Variants in LNX2 observed in about 807,000 individuals in gnomAD.
LNX2 encodes the protein ligand of numb-protein X 2.
A neutral mutation model predicts 66.2 loss-of-function variants in LNX2; 35 were observed. The ratio of observed to expected loss-of-function variants is 0.53; its 90% CI spans 0.40 to 0.70. The LOEUF (loss-of-function observed/expected upper bound fraction) is 0.70. Among genes scored for constraint, LNX2 ranks in the 30% least tolerant of loss-of-function variants. LNX2 has a pLI of 0.00. For missense variants in LNX2, 791 were observed against 850.8 expected (o/e 0.93, Z 0.87); for synonymous variants, 337 against 315.6 (o/e 1.07, Z -0.72).
rs1035095745 is a variant in LNX2, at chr13:27,547,853, CA to C, written c.*481del. ...CCTGGGTGAGAGTGAGACTGTGGTTCAAAAAAAAATGGGGAACAGTTATCAC... is the reference window on the plus strand; with the variant it reads ...CCTGGGTGAGAGTGAGACTGTGGTTCAAAAAAAATGGGGAACAGTTATCAC... On this transcript the variant is annotated 3_prime_UTR_variant, in exon 10 of 10. Transcript: ENST00000316334. 2.3e-4 allele frequency: 35 copies of C among 151,872 alleles called. No homozygotes were observed. The highest frequency in any genetic ancestry group is 6.0e-4 in the South Asian group (3 of 4,976). 9.4% of individuals were successfully genotyped at this position (151,872 alleles called of 1,614,324 possible).
chr13:27,594,555 A>AT (rs533834211), intron 1 of LNX2, among the ~76,000 whole-genome samples: 3 of 152,034 alleles, frequency 2.0e-5, no homozygotes, highest in African/African-American at 4.8e-5. Flanking sequence ...GTATAATAAA[A>AT]TTTTTTTTAT....
At chr13:27,619,773 T>C (rs932408482) in intron 1 of LNX2, among the ~76,000 whole-genome samples, 5 of 152,230 alleles carry the variant, frequency 3.3e-5, no homozygotes, top group African/African-American at 1.2e-4. Context: ...ATTTCCTGAA[T>C]GATGCTTTGT....
rs142235084 is a variant in LNX2, at chr13:27,569,388, C to T, written c.408-112G>A. ...CAAACAGAACCAGAAGCTAGAAGTA[C>T]CTATAGGCAGCACATAGTTCTGATC... is the stretch of plus-strand genomic sequence containing the variant. On this transcript the variant is annotated intron_variant, in intron 2 of 9. Transcript: ENST00000316334. 434 of 1,121,726 alleles carry T rather than the reference C, an allele frequency of 3.9e-4. 4 individuals carry two copies. The East Asian group carries it at 0.01, about 26-fold the overall frequency. The allele number at this position is 1,121,726 out of a possible 1,614,324, so 69.5% of individuals were successfully genotyped here.
At chr13:27,570,356 A>G (rs1476335550) in intron 2 of LNX2, among the ~76,000 whole-genome samples, 1 of 152,240 alleles carries the variant, frequency 6.6e-6, no homozygotes, top group Non-Finnish European at 1.5e-5. Context: ...CACAACACAG[A>G]ATTAAATACA....
chr13:27,605,070 C>T (rs1267529061), intron 1 of LNX2, among the ~76,000 whole-genome samples: 2 of 151,998 alleles, frequency 1.3e-5, no homozygotes, highest in Non-Finnish European at 1.5e-5. Flanking sequence ...ATGCTTTTTC[C>T]GGGTCCAGTC....
At chr13:27,602,130 A>C (rs962832435) in intron 1 of LNX2, among the ~76,000 whole-genome samples, 2 of 152,084 alleles carry the variant, frequency 1.3e-5, no homozygotes, top group African/African-American at 4.8e-5. Flanking sequence ...AAAATGTGCA[A>C]AACTTTTTTT....
chr13:27,614,364 G>C (rs1955804972), intron 1 of LNX2, among the ~76,000 whole-genome samples: 1 of 152,058 alleles, frequency 6.6e-6, no homozygotes, highest in Admixed American at 6.6e-5. Context: ...TTTTTGGTTG[G>C]ACCCACTGAC....
At position 27,600,143 on chromosome 13, in the gene LNX2, G is replaced by A. The variant is rs568222306; in HGVS notation, c.-100-18340C>T. ...TGCACCAGAGGATAGGGTTACTCTG[G>A]AGAGCTCACAGAGCTCAGTCTAGCA... is the stretch of plus-strand genomic sequence containing the variant. On this transcript the variant is annotated intron_variant, in intron 1 of 9. Coordinates refer to ENST00000316334, the MANE Select transcript of LNX2 (RefSeq NM_153371.4). 7.2e-5 allele frequency among the ~76,000 whole-genome samples: 11 copies of A among 152,222 alleles called. 1 individual carries two copies. Among genetic ancestry groups the A allele is most frequent in the South Asian group, 4.1e-4 (2 of 4,826 alleles).
intron 1 of LNX2, among the ~76,000 whole-genome samples, chr13:27,583,233 T>TC (rs1566124793): frequency 6.0e-5 from 1 of 16,630 alleles, no homozygotes; most frequent in Non-Finnish European, 1.4e-4. Flanking sequence ...TGTGTGTGTG[T>TC]GTGTGTGTGT....
chr13:27,580,339 ATG>A (rs139363707), intron 2 of LNX2, among the ~76,000 whole-genome samples: 16,278 of 152,116 alleles, frequency 0.11, 1,028 homozygotes, highest in East Asian at 0.28. Context: ...CTATGATTTT[ATG>A]TGTGAGTATA....
At chr13:27,550,932 T>C (rs1332842182) in intron 8 of LNX2, among the ~76,000 whole-genome samples, 1 of 152,148 alleles carries the variant, frequency 6.6e-6, no homozygotes, top group Admixed American at 6.6e-5. Flanking sequence ...AGAAAAAGAT[T>C]AGGAACGCAG....
chr13:27,591,539 T>G (rs540942312), intron 1 of LNX2, among the ~76,000 whole-genome samples: 22 of 152,330 alleles, frequency 1.4e-4, no homozygotes, highest in Admixed American at 3.3e-4. Flanking sequence ...CCAACTATAT[T>G]GAAAAGCAAA....
chr13:27,572,394 G>A (rs1421773291), intron 2 of LNX2, among the ~76,000 whole-genome samples: 1 of 152,192 alleles, frequency 6.6e-6, no homozygotes, highest in Non-Finnish European at 1.5e-5. Flanking sequence ...CATCTAATTA[G>A]ATTGAGGTAG....
chr13:27,602,213 G>A (rs1372100883), intron 1 of LNX2, among the ~76,000 whole-genome samples: 2 of 152,050 alleles, frequency 1.3e-5, no homozygotes, highest in African/African-American at 2.4e-5. Context: ...AAGTAGCTGG[G>A]ATTACAGGCA....
intron 2 of LNX2, 82 bp from the exon 3 acceptor site, chr13:27,569,358 C>T (rs1035889766): frequency 6.9e-7 from 1 of 1,452,706 alleles, no homozygotes; most frequent in Non-Finnish European, 9.3e-7. Context: ...CTAATAGCTT[C>T]TACACAAACA....
At chr13:27,551,100 A>C (rs1218634746) in intron 8 of LNX2, among the ~76,000 whole-genome samples, 1 of 152,206 alleles carries the variant, frequency 6.6e-6, no homozygotes, top group Non-Finnish European at 1.5e-5. Context: ...TCTGAAAAAC[A>C]CTAACAAAAA....
rs1018827946 is a variant in LNX2 at position 27,565,375 on chromosome 13, G to C, written c.855+2265C>G. Among the ~76,000 whole-genome samples, 8 of 152,336 alleles carry C rather than the reference G, an allele frequency of 5.3e-5. 1 individual carries two copies. The South Asian group carries it at 1.7e-3, about 32-fold the overall frequency. On this transcript the variant is annotated intron_variant, in intron 4 of 9. Coordinates refer to ENST00000316334, the MANE Select transcript of LNX2 (RefSeq NM_153371.4). ...ACTTACATTTCAGCTAAAAAGCCCA[G>C]AAGTGGGAGAGTCAAAGAACACTCA...
chr13:27,585,695 C>T (rs1955477336), intron 1 of LNX2, among the ~76,000 whole-genome samples: 1 of 151,798 alleles, frequency 6.6e-6, no homozygotes. Context: ...TTCTTGTTTC[C>T]TACCCAATAG....
At chr13:27,619,911 G>C (rs1285327518) in intron 1 of LNX2, among the ~76,000 whole-genome samples, 1 of 152,180 alleles carries the variant, frequency 6.6e-6, no homozygotes, top group East Asian at 1.9e-4. Flanking sequence ...GGGGCGGAGG[G>C]AATGATCTCT....
Sources: gnomAD v4.1 joint callset for allele counts (sites outside exome capture counted in the v4.1 genomes callset) on GRCh38, gnomAD v4.1.1 for gene constraint, MANE v1.5 for transcripts, NCBI Gene and HGNC (gene_info 2026-07-23, HGNC 2026-07-21) for gene names.